Variants in DCHS1 observed in about 807,000 individuals in gnomAD.
DCHS1 encodes dachsous cadherin-related 1.
In DCHS1, 78 loss-of-function variants were observed where a neutral mutation model predicts 213.9. The ratio of observed to expected loss-of-function variants is 0.36; its 90% confidence interval spans 0.30 to 0.44. DCHS1 has a LOEUF of 0.44. DCHS1 is among the 20% of genes least tolerant of loss of function. DCHS1 has a pLI of 1.00. For synonymous variants in DCHS1, 1,828 were observed against 1,873.7 expected (o/e 0.98, Z 0.63); for missense variants, 3,946 against 4,395.9 (o/e 0.90, Z 2.89).
At position 6,630,034 on chromosome 11, in the gene DCHS1, C is replaced by A; in HGVS notation, c.4760G>T (p.Gly1587Val). 6.4e-7 allele frequency: 1 copy of A among 1,558,142 alleles called. No homozygotes were observed. The highest frequency in any genetic ancestry group is 1.4e-5 in the African/African-American group (1 of 73,926). ...AARVSYRLAS[G>V]GDGHFRLHSS... is the part of the protein sequence containing the mutation. ...GTGCAGCCGGAAGTGGCCGTCCCCG[C>A]CAGATGCCAGCCGATAGGACACGCG... Residue 1587 changes from glycine to valine, a missense_variant, in exon 10 of 21, where the codon GGC becomes GTC. Transcript: ENST00000299441.
chr11:6,640,592 G>C lies in DCHS1; in HGVS notation c.1022C>G (p.Pro341Arg). ...AGTCACAAAGGCCGAGCCCAGCTCAGGGTGAGCCCCACCATCTCGTGCTTG... is the reference window on the plus strand; with the variant it reads ...AGTCACAAAGGCCGAGCCCAGCTCACGGTGAGCCCCACCATCTCGTGCTTG... ...VVQARDGGAH[P>R]ELGSAFVTVH... The change falls in exon 2 of 21, where the codon CCT (proline) becomes CGT (arginine). Residue 341 changes from proline to arginine, a missense_variant. Pro to Arg is a moderately radical substitution (Grantham distance 103). Coordinates refer to ENST00000299441, the MANE Select transcript of DCHS1 (RefSeq NM_003737.4). This position sits in a 1 kb window ranked among gnomAD's most constrained non-coding sequence, Gnocchi z 6.5. 1 of 1,608,902 alleles carries C rather than the reference G, an allele frequency of 6.2e-7. No homozygotes were observed. Among genetic ancestry groups the C allele is most frequent in the Non-Finnish European group, 8.5e-7 (1 of 1,179,852 alleles).
At chr11:6,644,890 C>T (rs1261393885) in intron 1 of DCHS1, among the ~76,000 whole-genome samples, 1 of 152,244 alleles carries the variant, frequency 6.6e-6, no homozygotes, top group Non-Finnish European at 1.5e-5. Flanking sequence ...TGCTGTAGGA[C>T]TTCCTTTCCA....
chr11:6,631,404 G>C lies in DCHS1; in HGVS notation c.3679C>G (p.Pro1227Ala). 3.1e-6 allele frequency: 5 copies of C among 1,613,948 alleles called. No individual in the cohort carries two copies. The highest frequency in any genetic ancestry group is 1.1e-5 in the South Asian group (1 of 91,082). The change falls in exon 8 of 21, where the codon CCA becomes GCA. Residue 1227 changes from proline (P) to alanine (A), a missense_variant. This residue lies in a region of DCHS1 where 3,384 missense variants were observed against 3,780.1 expected (regional missense o/e 0.90). Coordinates refer to ENST00000299441, the MANE Select transcript of DCHS1 (RefSeq NM_003737.4). ...AAGGGLPIQV[P>A]DRVPPGTLVT... ...AGTGTTCCCGGAGGCACGCGGTCTG[G>C]TACCTGTGGGAACACAACTCACCTA...
Position 6,625,047 on chromosome 11 carries a change from A to G in DCHS1, c.7146+151T>C, listed in dbSNP as rs777240165. On this transcript the variant is annotated intron_variant, in intron 19 of 20. Transcript: ENST00000299441. The surrounding 1 kb of genome is among the most constrained non-coding windows in gnomAD (Gnocchi z 5.3). ...TCTCCCCTTTCTGGGTACAGGATGC[A>G]AAACCAGGATGTAGTTCACAGGACT... The G allele has an allele frequency of 2.4e-5, 33 of 1,368,894 alleles. No individual in the cohort carries two copies. The highest frequency in any genetic ancestry group is 3.3e-5 in the Non-Finnish European group (33 of 1,009,958). The allele number at this position is 1,368,894 out of a possible 1,614,324, so 84.8% of individuals were successfully genotyped here. A position where few individuals can be genotyped will look rare whatever the true frequency, so the allele number is the denominator to read the frequency against.
rs568303220 is a variant in DCHS1 at position 6,641,658 on chromosome 11, G to A, written c.-45C>T. On this transcript the variant is annotated 5_prime_UTR_variant, in exon 2 of 21. Coordinates refer to ENST00000299441, the MANE Select transcript of DCHS1 (RefSeq NM_003737.4). This position sits in a 1 kb window ranked among gnomAD's most constrained non-coding sequence, Gnocchi z 7.1. The stretch of plus-strand genomic sequence containing the variant: ...TGCCTTGGGCTCCAGCTCCAGGCCA[G>A]GCTCTGGGCCCAGCTTGACCTCAGA... 41 of 1,495,096 alleles carry A rather than the reference G, an allele frequency of 2.7e-5. No individual in the cohort carries two copies. The African/African-American group carries it at 4.7e-4, about 17-fold the overall frequency. The allele number at this position is 1,495,096 out of a possible 1,614,324, so 92.6% of individuals were successfully genotyped here.
Position 6,630,540 on chromosome 11 carries a change from CCG to C in DCHS1, c.4252_4253del (p.Arg1418AlafsTer13). The C allele has an allele frequency of 6.5e-7, 1 of 1,530,844 alleles. No homozygotes were observed. The highest frequency in any genetic ancestry group is 8.7e-7 in the Non-Finnish European group (1 of 1,145,550). The allele number at this position is 1,530,844 out of a possible 1,614,324, so 94.8% of individuals were successfully genotyped here. On this transcript the variant is annotated frameshift_variant, in exon 10 of 21. Coordinates refer to ENST00000299441, the MANE Select transcript of DCHS1 (RefSeq NM_003737.4). LOFTEE classifies it high-confidence loss of function. ...RAEGPGGAGA[R>X]LLRVQVQVQD... ...GCACTTGCACCTGCACTCGCAGCAGCCGCGCGCCCGCGCCTCCCGGCCCCTCA... is the reference window on the plus strand; with the variant it reads ...GCACTTGCACCTGCACTCGCAGCAGCCGCGCCCGCGCCTCCCGGCCCCTCA...
rs1855909160 is a variant in DCHS1 at position 6,631,635 on chromosome 11, C to T, written c.3656G>A (p.Gly1219Asp). The change falls in exon 7 of 21, where the codon GGT becomes GAT. Residue 1219 changes from glycine to aspartate, a missense_variant. Coordinates refer to ENST00000299441, the MANE Select transcript of DCHS1 (RefSeq NM_003737.4). ...ACATACCTGTATAGGGAGGCCCCCA[C>T]CAGCAGCTCCTGAAGCCTGCAGGAA... Reference protein sequence around the residue: ...PTFLQASGAAGGGLPIQVPDR... With the variant: ...PTFLQASGAADGGLPIQVPDR... The T allele has an allele frequency of 6.3e-7, 1 of 1,582,076 alleles. No homozygotes were observed. The highest frequency in any genetic ancestry group is 1.8e-4 in the Middle Eastern group (1 of 5,714).
Position 6,623,865 on chromosome 11 carries a change from C to G in DCHS1, c.7811G>C (p.Arg2604Pro), listed in dbSNP as rs763453802. ...AGGTACTGTCACACGGTAGGATGCT[C>G]GGGTAAAGACAGGTGGGTTGTCATT... ...DVNDNPPVFT[R>P]ASYRVTVPED... The change falls in exon 21 of 21, where the codon CGA (arginine) becomes CCA (proline). Residue 2604 changes from arginine (R) to proline (P), a missense_variant. By Grantham distance (103) the Arg-to-Pro change is moderately radical. This residue lies in a region of DCHS1 where 3,384 missense variants were observed against 3,780.1 expected (regional missense o/e 0.90). Transcript: ENST00000299441. 2.5e-6 allele frequency: 4 copies of G among 1,610,678 alleles called. No individual in the cohort carries two copies. Among genetic ancestry groups the G allele is most frequent in the African/African-American group, 1.3e-5 (1 of 74,854 alleles).
rs777616040 is a variant in DCHS1 at position 6,640,530 on chromosome 11, T to G, written c.1084A>C (p.Met362Leu). 1.4e-5 allele frequency: 23 copies of G among 1,611,412 alleles called. No homozygotes were observed. The highest frequency in any genetic ancestry group is 1.9e-5 in the Non-Finnish European group (22 of 1,179,866). ...TCTGCACTGAGAAAGATGACAGTCATGGAGGGCTGATTGTCATTGGCATCT... is the reference window on the plus strand; with the variant it reads ...TCTGCACTGAGAAAGATGACAGTCAGGGAGGGCTGATTGTCATTGGCATCT... The part of the protein sequence containing the change: ...VRDANDNQPS[M>L]TVIFLSADGS... The change falls in exon 2 of 21, where the codon ATG (methionine) becomes CTG (leucine). Residue 362 changes from methionine (M) to leucine (L), a missense_variant. Met to Leu is a conservative substitution (Grantham distance 15). Transcript: ENST00000299441. The surrounding 1 kb of genome is among the most constrained non-coding windows in gnomAD (Gnocchi z 6.5).
In DCHS1 at chr11:6,624,398, G is replaced by T; in HGVS notation, c.7286-8C>A. 1 of 1,539,878 alleles carries T rather than the reference G, an allele frequency of 6.5e-7. No homozygotes were observed. Among genetic ancestry groups the T allele is most frequent in the Non-Finnish European group, 8.8e-7 (1 of 1,139,884 alleles). On this transcript the variant is annotated splice_region_variant and splice_polypyrimidine_tract_variant and intron_variant, in intron 20 of 20. Transcript: ENST00000299441. Reference sequence around the variant, plus strand: ...CTATTGTGAACAGGGTCCCTGAGATGAGAACGGAAGGGAAAGAAATATATT... The same window carrying T: ...CTATTGTGAACAGGGTCCCTGAGATTAGAACGGAAGGGAAAGAAATATATT...
In DCHS1 at chr11:6,640,076, G is replaced by C. The variant is rs1856043923; in HGVS notation, c.1538C>G (p.Ala513Gly). Residue 513 changes from alanine to glycine, a missense_variant, in exon 2 of 21, where the codon GCC (alanine) becomes GGC (glycine). Ala to Gly is a moderately conservative substitution (Grantham distance 60, BLOSUM62 0). Coordinates refer to ENST00000299441, the MANE Select transcript of DCHS1 (RefSeq NM_003737.4). The surrounding 1 kb of genome is among the most constrained non-coding windows in gnomAD (Gnocchi z 6.5). ...GTNGQVTYSL[A>G]PGAHTHWFSI... ...GAACCAGTGGGTGTGGGCGCCAGGG[G>C]CTAGGCTATAAGTGACCTGACCATT... 1 of 1,613,920 alleles carries C rather than the reference G, an allele frequency of 6.2e-7. No individual in the cohort carries two copies. Among genetic ancestry groups the C allele is most frequent in the East Asian group, 2.2e-5 (1 of 44,876 alleles).
intron 5 of DCHS1, 135 bp from the exon 6 acceptor site, chr11:6,633,191 G>T: frequency 8.2e-7 from 1 of 1,215,642 alleles, no homozygotes; most frequent in East Asian, 2.5e-5. Context: ...AGGGGCAGGG[G>T]TTGGCAAAGA....
In DCHS1 at chr11:6,626,153, C is replaced by T; in HGVS notation, c.6576+16G>A. 3.1e-6 allele frequency: 5 copies of T among 1,599,472 alleles called. No homozygotes were observed. Among genetic ancestry groups the T allele is most frequent in the Non-Finnish European group, 4.3e-6 (5 of 1,173,134 alleles). On this transcript the variant is annotated intron_variant, in intron 16 of 20. Coordinates refer to ENST00000299441, the MANE Select transcript of DCHS1 (RefSeq NM_003737.4). The surrounding 1 kb of genome is among the most constrained non-coding windows in gnomAD (Gnocchi z 5.2). ...AGCCCTGCTCCCCCGCCCAATCTTT[C>T]CATCACACCCCGCACCTGCAGCAGG... is the stretch of plus-strand genomic sequence containing the variant.
chr11:6,632,578 G>A lies in DCHS1; in HGVS notation c.2934C>T (p.Arg978=). The part of the protein sequence containing the change: ...LEARDGGSPP[R]TSHFRLRVVV... ...CCACCCGTAGTCGAAAGTGGCTGGT[G>A]CGTGGTGGGGAGCCCCCATCCCGGG... Residue 978 remains arginine, a synonymous_variant, in exon 6 of 21, where the codon CGC becomes CGT. Transcript: ENST00000299441. This position sits in a 1 kb window ranked among gnomAD's most constrained non-coding sequence, Gnocchi z 5.9. 6.6e-7 allele frequency: 1 copy of A among 1,510,470 alleles called. No individual in the cohort carries two copies. Among genetic ancestry groups the A allele is most frequent in the South Asian group, 1.3e-5 (1 of 76,614 alleles). The allele number at this position is 1,510,470 out of a possible 1,614,324, so 93.6% of individuals were successfully genotyped here. A position where few individuals can be genotyped will look rare whatever the true frequency, so the allele number is the denominator to read the frequency against.
chr11:6,633,663 A>G lies in DCHS1; in HGVS notation c.2219-15T>C. ...TGTCAACAGCCCTGAGAGGAAGAAT[A>G]GAAGCAGAGATATATAAGGAAACAT... On this transcript the variant is annotated splice_polypyrimidine_tract_variant and intron_variant, in intron 4 of 20. Coordinates refer to ENST00000299441, the MANE Select transcript of DCHS1 (RefSeq NM_003737.4). 1 of 1,607,322 alleles carries G rather than the reference A, an allele frequency of 6.2e-7. No individual in the cohort carries two copies. The highest frequency in any genetic ancestry group is 8.5e-7 in the Non-Finnish European group (1 of 1,176,398).
chr11:6,630,423 A>G lies in DCHS1; in HGVS notation c.4371T>C (p.Thr1457=), dbSNP rs1855883472. The G allele has an allele frequency of 6.9e-7, 1 of 1,455,686 alleles. No homozygotes were observed. The allele number at this position is 1,455,686 out of a possible 1,614,324, so 90.2% of individuals were successfully genotyped here. A position where few individuals can be genotyped will look rare whatever the true frequency, so the allele number is the denominator to read the frequency against. ...ENPEPGAALY[T]FRASDADGPG... ...GGCCGTCGGCGTCCGACGCGCGGAAAGTGTACAGCGCTGCGCCGGGCTCCG... is the reference window on the plus strand; with the variant it reads ...GGCCGTCGGCGTCCGACGCGCGGAAGGTGTACAGCGCTGCGCCGGGCTCCG... The change falls in exon 10 of 21, where the codon ACT becomes ACC. Residue 1457 remains threonine, a synonymous_variant. Transcript: ENST00000299441.
intron 2 of DCHS1, among the ~76,000 whole-genome samples, chr11:6,636,003 C>A (rs1259185435): frequency 6.6e-6 from 1 of 152,178 alleles, no homozygotes; most frequent in Non-Finnish European, 1.5e-5. Flanking sequence ...TCCCATTCTG[C>A]CCCAAAGCCA....
Position 6,625,153 on chromosome 11 carries a change from G to T in DCHS1, c.7146+45C>A. 1 of 1,532,950 alleles carries T rather than the reference G, an allele frequency of 6.5e-7. No individual in the cohort carries two copies. Among genetic ancestry groups the T allele is most frequent in the Non-Finnish European group, 8.8e-7 (1 of 1,141,174 alleles). 95.0% of individuals were successfully genotyped at this position (1,532,950 alleles called of 1,614,324 possible). On this transcript the variant is annotated intron_variant, in intron 19 of 20. Transcript: ENST00000299441. The surrounding 1 kb of genome is among the most constrained non-coding windows in gnomAD (Gnocchi z 5.3). ...TAGCTCTGATACTTCCCTCCAACAGGAACAACCCAGGCCCAGGTGTAGGTG... is the reference window on the plus strand; with the variant it reads ...TAGCTCTGATACTTCCCTCCAACAGTAACAACCCAGGCCCAGGTGTAGGTG...
In DCHS1 at chr11:6,626,482, C is replaced by T. The variant is rs1855806325; in HGVS notation, c.6364+70G>A. The stretch of plus-strand genomic sequence containing the variant: ...AGGACAGCCCTTCACCCATCAAAGG[C>T]TCCTCTGATGCAAAGAACCTGCTTC... On this transcript the variant is annotated intron_variant, in intron 15 of 20. Coordinates refer to ENST00000299441, the MANE Select transcript of DCHS1 (RefSeq NM_003737.4). This position sits in a 1 kb window ranked among gnomAD's most constrained non-coding sequence, Gnocchi z 5.2. 6 of 1,601,676 alleles carry T rather than the reference C, an allele frequency of 3.7e-6. No homozygotes were observed. In the South Asian group the frequency reaches 6.6e-5, roughly 18 times the overall value.
Sources: allele counts gnomAD v4.1 joint callset (sites outside exome capture counted in the v4.1 genomes callset), GRCh38; gene constraint gnomAD v4.1.1; regional missense constraint gnomAD v4.1.1; non-coding constraint Gnocchi (gnomAD v3.1); transcripts MANE v1.5; gene names NCBI Gene and HGNC (gene_info 2026-07-23, HGNC 2026-07-21).